The following ENOX2 variants were observed in gnomAD, a reference collection of about 807,000 sequenced individuals.
The protein encoded by ENOX2 is ecto-NOX disulfide-thiol exchanger 2.
Under a neutral mutation model 45.0 loss-of-function variants are expected in ENOX2, and 36 were observed. The ratio of observed to expected loss-of-function variants is 0.80; its 90% CI spans 0.61 to 1.06. The LOEUF is 1.06. Among genes scored for constraint, ENOX2 ranks in the 50% least tolerant of loss-of-function variants. The probability of loss-of-function intolerance (pLI) is 0.00; values close to 1 mark genes in which losing one functional copy is unlikely to be tolerated. For missense variants in ENOX2, 423 were observed against 462.5 expected, an observed-to-expected ratio of 0.91 and a Z score of 0.78; for synonymous variants, 174 against 152.3, an observed-to-expected ratio of 1.14 and a Z score of -1.05.
At chrX:130,655,781 T>C (rs757680164) in intron 10 of ENOX2, among the ~76,000 whole-genome samples, 1 of 111,549 alleles carries the variant, frequency 9.0e-6, no homozygotes, top group African/African-American at 3.3e-5. Context: ...ATAACAGGCA[T>C]GCACTACCAC....
At chrX:130,854,670 A>G (rs2078275026) in intron 2 of ENOX2, among the ~76,000 whole-genome samples, 1 of 111,487 alleles carries the variant, frequency 9.0e-6, no homozygotes, top group African/African-American at 3.3e-5. Flanking sequence ...ACATTTACCT[A>G]TAAGAAAAAA....
intron 2 of ENOX2, among the ~76,000 whole-genome samples, chrX:130,836,845 A>G (rs1413217525): frequency 1.8e-5 from 2 of 112,283 alleles, no homozygotes; most frequent in Non-Finnish European, 3.8e-5. Context: ...AGAGGAAGAG[A>G]GTAAGCTATT....
At chrX:130,680,038 C>A (rs776372118) in intron 5 of ENOX2, among the ~76,000 whole-genome samples, 15 of 112,160 alleles carry the variant, frequency 1.3e-4, no homozygotes, top group Admixed American at 1.1e-3. Context: ...TTGTGACAAT[C>A]CAGCTATGCC....
chrX:130,635,998 T>C (rs1319368131), intron 11 of ENOX2, among the ~76,000 whole-genome samples: 3 of 112,246 alleles, frequency 2.7e-5, no homozygotes, highest in African/African-American at 9.7e-5. Context: ...ACTATCCTTA[T>C]GTGAAATGGT....
intron 2 of ENOX2, among the ~76,000 whole-genome samples, chrX:130,850,271 T>C (rs770517535): frequency 5.4e-5 from 6 of 111,250 alleles, no homozygotes; most frequent in Admixed American, 1.9e-4. Context: ...CAAGGGCCCA[T>C]TGGAATAGAA....
At chrX:130,726,135 T>C (rs1211101376) in intron 3 of ENOX2, among the ~76,000 whole-genome samples, 3 of 112,136 alleles carry the variant, frequency 2.7e-5, no homozygotes, top group Admixed American at 9.4e-5. Context: ...AACAAACAGT[T>C]TCAGATGGCA....
chrX:130,889,188 T>C (rs1302021858), intron 2 of ENOX2, among the ~76,000 whole-genome samples: 1 of 111,783 alleles, frequency 8.9e-6, no homozygotes, highest in Non-Finnish European at 1.9e-5. Flanking sequence ...CAGGCAATGT[T>C]TGGGGATCTT....
chrX:130,783,485 A>C (rs1202242853), intron 3 of ENOX2, 62 bp downstream of exon 3: 1 of 317,629 alleles, frequency 3.1e-6, no homozygotes. Flanking sequence ...GCCACATACT[A>C]GGCTCTGGGA....
chrX:130,895,304 G>A (rs1159931436), intron 2 of ENOX2, among the ~76,000 whole-genome samples: 1 of 111,698 alleles, frequency 9.0e-6, no homozygotes, highest in Non-Finnish European at 1.9e-5. Flanking sequence ...TCCTAGTGAA[G>A]TATGTTTGAG....
At chrX:130,779,327 GCAA>G (rs2039923612) in intron 3 of ENOX2, among the ~76,000 whole-genome samples, 1 of 112,071 alleles carries the variant, frequency 8.9e-6, no homozygotes, top group African/African-American at 3.2e-5. Flanking sequence ...AAGCTACAAA[GCAA>G]CCAGATCCAC....
chrX:130,656,660 TC>T lies in ENOX2; in HGVS notation c.1049del (p.Gly350GlufsTer15). ...IRNIHNDELM[G>X]IRREEEMEMS... The stretch of plus-strand genomic sequence containing the variant: ...TTTCCATTTCTTCTTCTCGCCTGAT[TC>T]CCATTAATTCATCATTATGAATGTT... On this transcript the variant is annotated frameshift_variant, in exon 10 of 15. Coordinates refer to ENST00000394363, the MANE Select transcript of ENOX2 (RefSeq NM_006375.4). LOFTEE classifies it high-confidence loss of function. 1 of 1,164,966 alleles carries T rather than the reference TC, an allele frequency of 8.6e-7. No homozygotes were observed. Among genetic ancestry groups the T allele is most frequent in the Non-Finnish European group, 1.2e-6 (1 of 857,738 alleles).
chrX:130,737,624 G>A (rs1284333787), intron 3 of ENOX2, among the ~76,000 whole-genome samples: 21 of 112,061 alleles, frequency 1.9e-4, no homozygotes, highest in Non-Finnish European at 3.8e-5. Flanking sequence ...CAGGATCCAC[G>A]GAACCAGAGC....
At chrX:130,866,014 A>G (rs1487124563) in intron 2 of ENOX2, among the ~76,000 whole-genome samples, 1 of 111,409 alleles carries the variant, frequency 9.0e-6, no homozygotes, top group Non-Finnish European at 1.9e-5. Context: ...TTCCCTATGC[A>G]TACATATTTC....
intron 14 of ENOX2, among the ~76,000 whole-genome samples, chrX:130,625,948 A>C (rs1007617555): frequency 3.7e-5 from 4 of 108,395 alleles, no homozygotes; most frequent in Non-Finnish European, 5.8e-5. Flanking sequence ...ACACACACAC[A>C]CCCCTCAATA....
intron 2 of ENOX2, among the ~76,000 whole-genome samples, chrX:130,808,476 T>C (rs1484447498): frequency 2.7e-5 from 3 of 111,889 alleles, no homozygotes; most frequent in East Asian, 2.8e-4. Flanking sequence ...TGTATGTGAA[T>C]GGGTTAGAAG....
At chrX:130,813,681 C>T (rs1329125635) in intron 2 of ENOX2, among the ~76,000 whole-genome samples, 1 of 111,853 alleles carries the variant, frequency 8.9e-6, no homozygotes, top group East Asian at 2.8e-4. Context: ...CAAGGGAAGC[C>T]ATGAGGGACT....
At chrX:130,809,544 C>A (rs2077358901) in intron 2 of ENOX2, among the ~76,000 whole-genome samples, 1 of 111,583 alleles carries the variant, frequency 9.0e-6, no homozygotes, top group African/African-American at 3.3e-5. Context: ...AGCTTTATAA[C>A]ACTTGGACTG....
intron 2 of ENOX2, among the ~76,000 whole-genome samples, chrX:130,832,072 A>T (rs749438954): frequency 5.7e-5 from 6 of 105,886 alleles, no homozygotes; most frequent in Middle Eastern, 4.8e-3. Flanking sequence ...TGTCTGAATT[A>T]AAAAAAAAAA....
At chrX:130,793,284 G>A (rs2077072406) in intron 2 of ENOX2, among the ~76,000 whole-genome samples, 1 of 112,222 alleles carries the variant, frequency 8.9e-6, no homozygotes, top group Admixed American at 9.4e-5. Context: ...TGGCTCCTTC[G>A]GCCTCCAGGC....
Sources: allele counts gnomAD v4.1 joint callset (sites outside exome capture counted in the v4.1 genomes callset), GRCh38; gene constraint gnomAD v4.1.1; transcripts MANE v1.5; gene names NCBI Gene and HGNC (gene_info 2026-07-23, HGNC 2026-07-21).